The following IMPA2 variants were observed in gnomAD, a reference collection of about 807,000 sequenced individuals.
The protein encoded by IMPA2 is IMP 2.
IMPA2 carries 32 observed loss-of-function variants against 35.1 expected under a neutral mutation model. The ratio of observed to expected loss-of-function variants is 0.91; its 90% confidence interval spans 0.69 to 1.23. IMPA2 has a LOEUF of 1.23. IMPA2 is among the 50% of genes most tolerant of loss of function. IMPA2 has a pLI of 0.00. For synonymous variants in IMPA2, 135 were observed against 160.6 expected (o/e 0.84, Z 1.20); for missense variants, 334 against 387.6 (o/e 0.86, Z 1.16).
chr18:12,002,913 C>G (rs1167017248), intron 2 of IMPA2, among the ~76,000 whole-genome samples: 1 of 151,482 alleles, frequency 6.6e-6, no homozygotes, highest in Non-Finnish European at 1.5e-5. Context: ...AATAAATAGG[C>G]TGGGCGCGGT....
chr18:12,021,667 C>T (rs1433870854), intron 5 of IMPA2: 1 of 152,204 alleles, frequency 6.6e-6, no homozygotes, highest in African/African-American at 2.4e-5. Context: ...CAGGCACACA[C>T]CACCATGCCT....
At position 12,028,894 on chromosome 18, in the gene IMPA2, G is replaced by C. The variant is rs1332907406; in HGVS notation, c.652G>C (p.Ala218Pro). The change falls in exon 7 of 8, where the codon GCC (alanine) becomes CCC (proline). Residue 218 changes from alanine (A) to proline (P), a missense_variant. Ala to Pro is a conservative substitution (Grantham distance 27). Coordinates refer to ENST00000269159, the MANE Select transcript of IMPA2 (RefSeq NM_014214.3). The stretch of plus-strand genomic sequence containing the variant: ...GGCACTCTGCCACCTGGCCTCAGGG[G>C]CCGCGGATGCCTATTACCAGTTTGG... Reference protein sequence around the residue: ...TLALCHLASGAADAYYQFGLH... With the variant: ...TLALCHLASGPADAYYQFGLH... 5 of 1,614,136 alleles carry C rather than the reference G, an allele frequency of 3.1e-6. No individual in the cohort carries two copies. Among genetic ancestry groups the C allele is most frequent in the Non-Finnish European group, 4.2e-6 (5 of 1,180,030 alleles).
intron 1 of IMPA2, among the ~76,000 whole-genome samples, chr18:11,986,196 C>T (rs567370160): frequency 1.9e-4 from 29 of 152,326 alleles, no homozygotes; most frequent in African/African-American, 7.0e-4. Flanking sequence ...TTATGCTTCC[C>T]GAGGCCCGGC....
Position 12,011,050 on chromosome 18 carries a change from T to G in IMPA2, c.335+1063T>G, listed in dbSNP as rs1907419109. 2.0e-5 allele frequency among the ~76,000 whole-genome samples: 3 copies of G among 152,156 alleles called. No individual in the cohort carries two copies. In the South Asian group the frequency reaches 6.2e-4, roughly 31 times the overall value. On this transcript the variant is annotated intron_variant, in intron 3 of 7. Transcript: ENST00000269159. ...TGAGTGGAGCCTCATTACTTCTGCCTGCTCGTGGTTCCAGGGTGCTCATAA... is the reference window on the plus strand; with the variant it reads ...TGAGTGGAGCCTCATTACTTCTGCCGGCTCGTGGTTCCAGGGTGCTCATAA...
intron 1 of IMPA2, among the ~76,000 whole-genome samples, chr18:11,998,615 T>A (rs1252240267): frequency 6.6e-6 from 1 of 152,212 alleles, no homozygotes; most frequent in Admixed American, 6.5e-5. Context: ...CTCCTAAATT[T>A]GAATTCATGG....
chr18:12,001,477 G>A (rs1907114729), intron 2 of IMPA2, among the ~76,000 whole-genome samples: 1 of 152,078 alleles, frequency 6.6e-6, no homozygotes, highest in African/African-American at 2.4e-5. Flanking sequence ...GAAGTTATTG[G>A]GGCTGTGATG....
Position 12,030,504 on chromosome 18 carries a change from TGGGCTCCTG to T in IMPA2, c.*50_*58del. 6.6e-7 allele frequency: 1 copy of T among 1,508,128 alleles called. No homozygotes were observed. Among genetic ancestry groups the T allele is most frequent in the South Asian group, 1.1e-5 (1 of 88,804 alleles). 93.4% of individuals were successfully genotyped at this position (1,508,128 alleles called of 1,614,324 possible). A position where few individuals can be genotyped will look rare whatever the true frequency, so the allele number is the denominator to read the frequency against. On this transcript the variant is annotated 3_prime_UTR_variant, in exon 8 of 8. Coordinates refer to ENST00000269159, the MANE Select transcript of IMPA2 (RefSeq NM_014214.3). ...CTCCCAAGGCCTCCCTGGGCTGCTG[TGGGCTCCTG>T]GGGAGGTGGCCCTCGTGGCCCACGC...
At position 11,981,696 on chromosome 18, in the gene IMPA2, G is replaced by C; in HGVS notation, c.27G>C (p.Ala9=). The change falls in exon 1 of 8, where the codon GCG becomes GCC. Residue 9 remains alanine, a synonymous_variant. Transcript: ENST00000269159. MKPSGEDQ[A]ALAAGPWEEC... ...TGAAGCCGAGCGGCGAGGACCAGGC[G>C]GCGCTGGCGGCCGGCCCCTGGGAGG... The C allele has an allele frequency of 8.1e-7, 1 of 1,230,738 alleles. No individual in the cohort carries two copies. Among genetic ancestry groups the C allele is most frequent in the Non-Finnish European group, 1.0e-6 (1 of 987,022 alleles). The allele number at this position is 1,230,738 out of a possible 1,614,324, so 76.2% of individuals were successfully genotyped here.
chr18:11,990,426 C>G (rs1434589522), intron 1 of IMPA2, among the ~76,000 whole-genome samples: 1 of 151,564 alleles, frequency 6.6e-6, no homozygotes, highest in Admixed American at 6.6e-5. Context: ...GAGGAGGGGT[C>G]GGGGCCAATA....
intron 5 of IMPA2, among the ~76,000 whole-genome samples, chr18:12,024,464 A>G (rs1348394409): frequency 2.6e-5 from 4 of 151,856 alleles, no homozygotes; most frequent in African/African-American, 9.7e-5. Context: ...AGGCTGAGTG[A>G]CAGAGCAAGA....
intron 1 of IMPA2, among the ~76,000 whole-genome samples, chr18:11,986,628 G>T (rs1365346783): frequency 6.6e-6 from 1 of 152,146 alleles, no homozygotes. Flanking sequence ...CTTTTTGCTG[G>T]TTATTCACAC....
intron 1 of IMPA2, among the ~76,000 whole-genome samples, chr18:11,997,905 C>T (rs680510): frequency 0.076 from 11,642 of 152,268 alleles, 1,318 homozygotes; most frequent in African/African-American, 0.25. Context: ...CGGTGGCTTA[C>T]GCCTGTTATC....
intron 5 of IMPA2, among the ~76,000 whole-genome samples, chr18:12,027,550 T>C (rs1907914043): frequency 6.6e-6 from 1 of 150,610 alleles, no homozygotes; most frequent in African/African-American, 2.5e-5. Context: ...GCTTTTCTTT[T>C]TGGTTGAATG....
intron 5 of IMPA2, among the ~76,000 whole-genome samples, chr18:12,015,339 C>G (rs1214772123): frequency 6.6e-6 from 1 of 152,238 alleles, no homozygotes. Flanking sequence ...AATTCCTTTC[C>G]TGGCAACCTT....
At chr18:11,999,570 G>T (rs1289789024) in intron 2 of IMPA2, among the ~76,000 whole-genome samples, 1 of 152,260 alleles carries the variant, frequency 6.6e-6, no homozygotes, top group Non-Finnish European at 1.5e-5. Flanking sequence ...GCCTATGCCT[G>T]TTCAGCTGCC....
rs1366383209 is a variant in IMPA2, at chr18:12,026,156, T to C, written c.491-1887T>C. ...TTCAAGCGATTCTCCTGCCTCAGCC[T>C]CCTGCTAGCTTGGATTACAGGCATG... On this transcript the variant is annotated intron_variant, in intron 5 of 7. Transcript: ENST00000269159. Among the ~76,000 whole-genome samples, 5 of 151,472 alleles carry C rather than the reference T, an allele frequency of 3.3e-5. No individual in the cohort carries two copies. In the East Asian group the frequency reaches 9.8e-4, roughly 30 times the overall value.
intron 1 of IMPA2, among the ~76,000 whole-genome samples, chr18:11,997,894 G>A (rs932259129): frequency 6.6e-6 from 1 of 152,228 alleles, no homozygotes; most frequent in African/African-American, 2.4e-5. Flanking sequence ...AGAGCTGGGC[G>A]CGGTGGCTTA....
chr18:11,995,330 AGGATGTGACTC>A (rs946131159), intron 1 of IMPA2, among the ~76,000 whole-genome samples: 4 of 152,200 alleles, frequency 2.6e-5, no homozygotes, highest in Non-Finnish European at 5.9e-5. Flanking sequence ...TATCCTTTTG[AGGATGTGACTC>A]GGAAGTTGCA....
Position 12,009,939 on chromosome 18 carries a change from C to A in IMPA2, c.287C>A (p.Pro96Gln). 1 of 1,614,112 alleles carries A rather than the reference C, an allele frequency of 6.2e-7. No homozygotes were observed. The highest frequency in any genetic ancestry group is 8.5e-7 in the Non-Finnish European group (1 of 1,180,028). Reference protein sequence around the residue: ...SGAKCVLTHSPTWIIDPIDGT... With the variant: ...SGAKCVLTHSQTWIIDPIDGT... ...GCCAAGTGTGTGCTCACCCACAGCC[C>A]GACGTGGATCATCGACCCCATCGAC... The change falls in exon 3 of 8, where the codon CCG becomes CAG. Residue 96 changes from proline (P) to glutamine (Q), a missense_variant. Pro to Gln is a moderately conservative substitution (Grantham distance 76, BLOSUM62 -1). Transcript: ENST00000269159.
Sources: allele counts gnomAD v4.1 joint callset (sites outside exome capture counted in the v4.1 genomes callset), GRCh38; gene constraint gnomAD v4.1.1; transcripts MANE v1.5; gene names NCBI Gene and HGNC (gene_info 2026-07-23, HGNC 2026-07-21).